Variants in FBN2 observed in about 807,000 individuals in gnomAD.
The protein encoded by FBN2 is fibrillin 2, also known as fibrillin-2.
FBN2 carries 105 observed loss-of-function variants against 355.6 expected under a neutral mutation model. The ratio of observed to expected loss-of-function variants is 0.30; its 90% CI spans 0.25 to 0.35. The LOEUF is 0.35. Ranked by LOEUF, FBN2 falls within the 10% of genes least tolerant of loss-of-function variation. The pLI is 1.00. For missense variants in FBN2, 3,280 were observed against 3,758.7 expected, an observed-to-expected ratio of 0.87 and a Z score of 3.33; for synonymous variants, 1,350 against 1,301.2, an observed-to-expected ratio of 1.04 and a Z score of -0.81.
At chr5:128,530,040 A>G (rs2112800796) in intron 3 of FBN2, among the ~76,000 whole-genome samples, 1 of 152,338 alleles carries the variant, frequency 6.6e-6, no homozygotes, top group East Asian at 1.9e-4. Flanking sequence ...GAGCAATTAA[A>G]TAAACAATCT....
chr5:128,327,390 CCACCG>C (rs889170188), intron 34 of FBN2, among the ~76,000 whole-genome samples: 4 of 152,094 alleles, frequency 2.6e-5, no homozygotes, highest in Non-Finnish European at 5.9e-5. Context: ...CCACTCTGAA[CCACCG>C]CAGGTTGTAT....
In FBN2 at chr5:128,364,947, C is replaced by T. The variant is rs149810600; in HGVS notation, c.2303-222G>A. Among the ~76,000 whole-genome samples, 245 of 152,174 alleles carry T rather than the reference C, an allele frequency of 1.6e-3. 2 individuals carry two copies. The highest frequency in any genetic ancestry group is 3.2e-4 in the Non-Finnish European group (22 of 67,992). ...GGTAAATCAAAAGAAAAATGAAAGACGCTGGCAGAAATTCAAAGAGTTAAA... is the reference window on the plus strand; with the variant it reads ...GGTAAATCAAAAGAAAAATGAAAGATGCTGGCAGAAATTCAAAGAGTTAAA... On this transcript the variant is annotated intron_variant, in intron 17 of 64. Transcript: ENST00000262464.
chr5:128,323,596 C>T (rs563620185), intron 34 of FBN2, among the ~76,000 whole-genome samples: 26 of 152,296 alleles, frequency 1.7e-4, no homozygotes, highest in African/African-American at 5.3e-4. Flanking sequence ...ATTACATTTA[C>T]TGATTTGCAT....
intron 27 of FBN2, among the ~76,000 whole-genome samples, chr5:128,336,533 G>A (rs769300923): frequency 1.3e-5 from 2 of 152,094 alleles, no homozygotes; most frequent in Admixed American, 6.5e-5. Flanking sequence ...AACTTACACT[G>A]GCACGCTCAC....
rs1353072724 is a variant in FBN2 at position 128,276,115 on chromosome 5, C to T, written c.7517G>A (p.Cys2506Tyr). The change falls in exon 59 of 65, where the codon TGC becomes TAC. Residue 2506 changes from cysteine (C) to tyrosine (Y), a missense_variant. Around this residue, in one of 6 missense-constraint regions of FBN2, gnomAD observed 2,284 missense variants for 2,749.5 expected, o/e 0.83. Coordinates refer to ENST00000262464, the MANE Select transcript of FBN2 (RefSeq NM_001999.4). ...SQSPKPCNYI[C>Y]KNTEGSYQCS... ...CTGATAACTCCCCTCAGTGTTCTTG[C>T]AGATGTAGTTGCATGGTTTCGGGGA... is the stretch of plus-strand genomic sequence containing the variant. 6.2e-7 allele frequency: 1 copy of T among 1,613,734 alleles called. No individual in the cohort carries two copies. Among genetic ancestry groups the T allele is most frequent in the East Asian group, 2.2e-5 (1 of 44,856 alleles).
intron 39 of FBN2, among the ~76,000 whole-genome samples, chr5:128,310,365 CATAT>C (rs1178825562): frequency 5.4e-3 from 306 of 57,036 alleles, no homozygotes; most frequent in African/African-American, 0.011. Context: ...TTCCTTGGCA[CATAT>C]ATATATATAT....
At position 128,302,961 on chromosome 5, in the gene FBN2, TG is replaced by T. The variant is rs762498167; in HGVS notation, c.5917+11del. ...GAAATAGAAGCAATAAAGGACTGAA[TG>T]AAGTACTTACCCAGGCAATCATTAT... On this transcript the variant is annotated intron_variant, in intron 46 of 64. Coordinates refer to ENST00000262464, the MANE Select transcript of FBN2 (RefSeq NM_001999.4). 7.5e-7 allele frequency: 1 copy of T among 1,331,366 alleles called. No homozygotes were observed. The highest frequency in any genetic ancestry group is 1.1e-6 in the Non-Finnish European group (1 of 921,628). 82.5% of individuals were successfully genotyped at this position (1,331,366 alleles called of 1,614,324 possible).
intron 34 of FBN2, among the ~76,000 whole-genome samples, chr5:128,326,002 T>C (rs1258155691): frequency 1.3e-5 from 2 of 152,230 alleles, no homozygotes; most frequent in East Asian, 1.9e-4. Context: ...AAAGTACCTA[T>C]GGAAAATTTG....
At chr5:128,310,333 T>A (rs1231465991) in intron 39 of FBN2, among the ~76,000 whole-genome samples, 1 of 145,158 alleles carries the variant, frequency 6.9e-6, no homozygotes, top group South Asian at 2.1e-4. Context: ...AAAGAAATTA[T>A]TCTAAAGTGG....
intron 7 of FBN2, among the ~76,000 whole-genome samples, chr5:128,427,308 G>C (rs1382840911): frequency 6.6e-6 from 1 of 152,150 alleles, no homozygotes; most frequent in Non-Finnish European, 1.5e-5. Context: ...GAAGGTAATA[G>C]TAGCTTAAAA....
intron 7 of FBN2, chr5:128,442,064 G>A (rs905247037): frequency 3.8e-5 from 11 of 290,262 alleles, no homozygotes; most frequent in African/African-American, 2.5e-4. Context: ...CAGCAGCAGA[G>A]GAGACTGTGC....
rs1048690556 is a variant in FBN2, at chr5:128,537,361, G to C, written c.243C>G (p.Asp81Glu). Residue 81 changes from aspartate (D) to glutamate (E), a missense_variant, in exon 1 of 65, where the codon GAC becomes GAG. Around this residue, in one of 6 missense-constraint regions of FBN2, gnomAD observed 203 missense variants for 142.2 expected, o/e 1.43. Coordinates refer to ENST00000262464, the MANE Select transcript of FBN2 (RefSeq NM_001999.4). Reference protein sequence around the residue: ...ASRVRRRGQQDVLRGPNVCGS... With the variant: ...ASRVRRRGQQEVLRGPNVCGS... Reference sequence around the variant, plus strand: ...GCTTGCCCACTTACCCTCGGAGCACGTCCTGCTGTCCTCGCCGGCGGACGC... The same window carrying C: ...GCTTGCCCACTTACCCTCGGAGCACCTCCTGCTGTCCTCGCCGGCGGACGC... 5 of 1,610,666 alleles carry C rather than the reference G, an allele frequency of 3.1e-6. No individual in the cohort carries two copies. The highest frequency in any genetic ancestry group is 4.2e-6 in the Non-Finnish European group (5 of 1,179,802).
chr5:128,275,220 T>C lies in FBN2; in HGVS notation c.7595-537A>G, dbSNP rs998172922. ...ACCCTACTAATTAAAAACTCAAAAT[T>C]TGATTTTGGCTATACTAAAACTTAA... On this transcript the variant is annotated intron_variant, in intron 59 of 64. Transcript: ENST00000262464. 3.9e-5 allele frequency among the ~76,000 whole-genome samples: 6 copies of C among 152,126 alleles called. 1 individual carries two copies. In the East Asian group the frequency reaches 5.8e-4, roughly 15 times the overall value.
chr5:128,500,931 C>G (rs1381356926), intron 5 of FBN2, among the ~76,000 whole-genome samples: 1 of 152,114 alleles, frequency 6.6e-6, no homozygotes, highest in African/African-American at 2.4e-5. Flanking sequence ...TGGGAGAAAA[C>G]TGGACAGTGA....
At chr5:128,262,766 C>A (rs1303985321) in intron 63 of FBN2, among the ~76,000 whole-genome samples, 6 of 152,204 alleles carry the variant, frequency 3.9e-5, no homozygotes, top group Middle Eastern at 3.2e-3. Flanking sequence ...TCAAAGAAGG[C>A]AACCTGGACT....
At chr5:128,262,494 A>G (rs1280992710) in intron 63 of FBN2, among the ~76,000 whole-genome samples, 4 of 152,208 alleles carry the variant, frequency 2.6e-5, no homozygotes, top group Non-Finnish European at 4.4e-5. Context: ...CCAGAAGGTA[A>G]AAGTAAGGTA....
intron 8 of FBN2, among the ~76,000 whole-genome samples, chr5:128,403,388 C>A (rs1197134047): frequency 6.6e-6 from 1 of 152,194 alleles, no homozygotes; most frequent in Non-Finnish European, 1.5e-5. Context: ...GGAAGAATTT[C>A]TAAATGCTTA....
At chr5:128,399,857 A>G (rs1752751117) in intron 8 of FBN2, among the ~76,000 whole-genome samples, 1 of 152,110 alleles carries the variant, frequency 6.6e-6, no homozygotes, top group African/African-American at 2.4e-5. Flanking sequence ...TCACGGCAGC[A>G]GGTCGGGGGG....
chr5:128,300,539 A>G (rs1228948044), intron 48 of FBN2, among the ~76,000 whole-genome samples: 1 of 152,252 alleles, frequency 6.6e-6, no homozygotes, highest in Non-Finnish European at 1.5e-5. Context: ...AAATTCACTG[A>G]AAGTCGCTGC....
Sources: gnomAD v4.1 joint callset for allele counts (sites outside exome capture counted in the v4.1 genomes callset) on GRCh38, gnomAD v4.1.1 for gene constraint, gnomAD v4.1.1 regional missense constraint, MANE v1.5 for transcripts, NCBI Gene and HGNC (gene_info 2026-07-23, HGNC 2026-07-21) for gene names.